The following IGHMBP2 variants were observed in gnomAD, a reference collection of about 807,000 sequenced individuals.
IGHMBP2 encodes the protein immunoglobulin mu DNA binding protein 2.
In IGHMBP2, 81 loss-of-function variants were observed where a neutral mutation model predicts 96.0. The observed-to-expected ratio is 0.84, with a 90% CI of 0.71 to 1.01. The LOEUF (loss-of-function observed/expected upper bound fraction) is 1.01. Ranked by LOEUF, IGHMBP2 falls within the 50% of genes least tolerant of loss-of-function variation. The pLI, the probability that IGHMBP2 is intolerant of heterozygous loss-of-function variation, is 0.00. For synonymous variants in IGHMBP2, 557 were observed against 548.9 expected, an observed-to-expected ratio of 1.01 and a Z score of -0.21; for missense variants, 1,227 against 1,306.3, an observed-to-expected ratio of 0.94 and a Z score of 0.94.
chr11:68,914,710 G>A (rs556650962), intron 5 of IGHMBP2, 113 bp from the exon 6 acceptor site: 17 of 1,065,234 alleles, frequency 1.6e-5, no homozygotes, highest in Non-Finnish European at 2.0e-5. Flanking sequence ...TTGAGAGCAC[G>A]TGTGTACATG....
intron 6 of IGHMBP2, among the ~76,000 whole-genome samples, chr11:68,916,923 T>C (rs1266846674): frequency 6.7e-6 from 1 of 149,772 alleles, no homozygotes; most frequent in African/African-American, 2.4e-5. Flanking sequence ...CTGTCACCCC[T>C]GCTAAAACTC....
intron 7 of IGHMBP2, among the ~76,000 whole-genome samples, chr11:68,928,122 C>T (rs1262286323): frequency 2.0e-5 from 3 of 152,222 alleles, no homozygotes; most frequent in African/African-American, 2.4e-5. Context: ...AGTCTCTTTG[C>T]TGACATCCTT....
At position 68,930,242 on chromosome 11, in the gene IGHMBP2, C is replaced by A. The variant is rs1460952173; in HGVS notation, c.1235+885C>A. The A allele has an allele frequency of 2.4e-6, 3 of 1,269,474 alleles. No individual in the cohort carries two copies. The Admixed American group carries it at 7.1e-5, about 30-fold the overall frequency. The allele number at this position is 1,269,474 out of a possible 1,614,324, so 78.6% of individuals were successfully genotyped here. On this transcript the variant is annotated intron_variant, in intron 8 of 14. Coordinates refer to ENST00000255078, the MANE Select transcript of IGHMBP2 (RefSeq NM_002180.3). The stretch of plus-strand genomic sequence containing the variant: ...TCTGAGACTCCTGCATCCTGGCCCT[C>A]ACTTCCACCGGGGGAAGATTGATTT...
intron 5 of IGHMBP2, among the ~76,000 whole-genome samples, chr11:68,913,745 C>G (rs1452321955): frequency 5.9e-5 from 9 of 152,052 alleles, no homozygotes; most frequent in Non-Finnish European, 1.3e-4. Flanking sequence ...ATAGCAAGAC[C>G]CAGTCTCTAC....
At position 68,908,307 on chromosome 11, in the gene IGHMBP2, C is replaced by G. The variant is rs760342235; in HGVS notation, c.419C>G (p.Ala140Gly). ...AATTCCTACAGACTGTTAAAACTTG[C>G]CAATGATGTCACTTACAGGCGACTG... is the stretch of plus-strand genomic sequence containing the variant. ...RENSYRLLKL[A>G]NDVTYRRLKK... The change falls in exon 3 of 15, where the codon GCC (alanine) becomes GGC (glycine). Residue 140 changes from alanine (A) to glycine (G), a missense_variant. Transcript: ENST00000255078. The G allele has an allele frequency of 1.2e-6, 2 of 1,614,044 alleles. No individual in the cohort carries two copies. The highest frequency in any genetic ancestry group is 2.2e-5 in the South Asian group (2 of 91,064).
At chr11:68,935,257 GC>G (rs751383734) in intron 11 of IGHMBP2, 41 bp from the exon 12 acceptor site, 15 of 1,611,658 alleles carry the variant, frequency 9.3e-6, no homozygotes, top group Non-Finnish European at 7.6e-6. Flanking sequence ...TGCTGCGCTG[GC>G]ATGGGTGGGT....
In IGHMBP2 at chr11:68,911,475, T is replaced by C; in HGVS notation, c.583T>C (p.Ser195Pro). Residue 195 changes from serine (S) to proline (P), a missense_variant, in exon 5 of 15, where the codon TCC becomes CCC. Coordinates refer to ENST00000255078, the MANE Select transcript of IGHMBP2 (RefSeq NM_002180.3). ...LTFFNTCLDT[S>P]QKEAVLFALS... ...ATTCTTCAACACCTGCCTGGACACC[T>C]CCCAGAAAGAAGCGGTTTTATTTGC... 1 of 1,614,026 alleles carries C rather than the reference T, an allele frequency of 6.2e-7. No individual in the cohort carries two copies. Among genetic ancestry groups the C allele is most frequent in the Non-Finnish European group, 8.5e-7 (1 of 1,179,986 alleles).
intron 5 of IGHMBP2, among the ~76,000 whole-genome samples, chr11:68,913,564 C>T (rs1201773624): frequency 4.6e-5 from 7 of 152,040 alleles, no homozygotes; most frequent in Admixed American, 2.6e-4. Context: ...GCACCTTGGC[C>T]TCCCAAAGTG....
chr11:68,910,186 A>G (rs965084389), intron 4 of IGHMBP2, among the ~76,000 whole-genome samples: 1 of 152,258 alleles, frequency 6.6e-6, no homozygotes, highest in Admixed American at 6.5e-5. Context: ...TTCAGCATGC[A>G]GTCCCTCAAG....
intron 9 of IGHMBP2, 82 bp downstream of exon 9, chr11:68,933,563 A>G (rs1472359502): frequency 6.8e-7 from 1 of 1,477,136 alleles, no homozygotes; most frequent in Non-Finnish European, 9.3e-7. Context: ...GCAGCAAGCT[A>G]AAGTGAAGCT....
intron 1 of IGHMBP2, among the ~76,000 whole-genome samples, chr11:68,904,865 C>T (rs1594413702): frequency 7.1e-6 from 1 of 140,438 alleles, no homozygotes; most frequent in Non-Finnish European, 1.5e-5. Context: ...GTGGCACGAT[C>T]TCGGCTTACT....
Position 68,936,263 on chromosome 11 carries a change from C to A in IGHMBP2, c.1783C>A (p.Arg595=), listed in dbSNP as rs746014167. The A allele has an allele frequency of 6.2e-7, 1 of 1,614,140 alleles. No homozygotes were observed. Among genetic ancestry groups the A allele is most frequent in the Middle Eastern group, 1.6e-4 (1 of 6,062 alleles). The change falls in exon 13 of 15, where the codon CGG becomes AGG. Residue 595 remains arginine (R), a synonymous_variant. Coordinates refer to ENST00000255078, the MANE Select transcript of IGHMBP2 (RefSeq NM_002180.3). ...KGEVGFLAED[R]RINVAVTRAR... is the part of the protein sequence containing the mutation. ...TGAAGTTGGTTTTCTTGCTGAGGACCGGAGGATCAACGTGGCTGTCACCCG... is the reference window on the plus strand; with the variant it reads ...TGAAGTTGGTTTTCTTGCTGAGGACAGGAGGATCAACGTGGCTGTCACCCG...
At chr11:68,905,715 G>A (rs1163786902) in intron 1 of IGHMBP2, among the ~76,000 whole-genome samples, 1 of 152,226 alleles carries the variant, frequency 6.6e-6, no homozygotes, top group African/African-American at 2.4e-5. Context: ...TTTAGTCCAG[G>A]TGAGCAGTGA....
At chr11:68,920,081 T>C (rs1381397061) in intron 7 of IGHMBP2, among the ~76,000 whole-genome samples, 1 of 152,228 alleles carries the variant, frequency 6.6e-6, no homozygotes, top group Non-Finnish European at 1.5e-5. Context: ...TCCCAGATCC[T>C]GGCAGTCACC....
chr11:68,939,505 C>G (rs780803324), intron 14 of IGHMBP2, 29 bp from the exon 15 acceptor site: 2 of 1,610,080 alleles, frequency 1.2e-6, no homozygotes, highest in South Asian at 2.2e-5. Flanking sequence ...CCCCTGTGAG[C>G]CCAGCAGTGA....
chr11:68,925,740 G>T (rs117235654), intron 7 of IGHMBP2, among the ~76,000 whole-genome samples: 2 of 152,104 alleles, frequency 1.3e-5, no homozygotes, highest in Non-Finnish European at 2.9e-5. Flanking sequence ...AGAATTCTTG[G>T]TTGACAGTCT....
intron 11 of IGHMBP2, 42 bp downstream of exon 11, chr11:68,934,600 C>T (rs1484853783): frequency 1.4e-6 from 2 of 1,400,198 alleles, no homozygotes; most frequent in Non-Finnish European, 2.0e-6. Context: ...GCAGCTGGGG[C>T]TCACACAACC....
chr11:68,904,792 T>TTTTTCTTTTTC (rs1858113716), intron 1 of IGHMBP2, among the ~76,000 whole-genome samples: 1 of 74,344 alleles, frequency 1.3e-5, no homozygotes, highest in African/African-American at 4.1e-5. Context: ...AAGTTTCTTT[T>TTTTTCTTTTTC]TTTTCTTTTT....
At chr11:68,939,024 C>T (rs1211912191) in intron 14 of IGHMBP2, among the ~76,000 whole-genome samples, 3 of 151,982 alleles carry the variant, frequency 2.0e-5, no homozygotes, top group Non-Finnish European at 4.4e-5. Flanking sequence ...AGGACAGGGC[C>T]GATGGCGGGT....
Sources: allele counts gnomAD v4.1 joint callset (sites outside exome capture counted in the v4.1 genomes callset), GRCh38; gene constraint gnomAD v4.1.1; transcripts MANE v1.5; gene names NCBI Gene and HGNC (gene_info 2026-07-23, HGNC 2026-07-21).